The following SMARCAD1 variants were observed in gnomAD, a reference collection of about 807,000 sequenced individuals.
The protein encoded by SMARCAD1 is SNF2 related chromatin remodeling ATPase with DExD box 1.
In SMARCAD1, 25 loss-of-function variants were observed where a neutral mutation model predicts 127.1. The observed-to-expected ratio is 0.20, with a 90% confidence interval of 0.14 to 0.27. The LOEUF (loss-of-function observed/expected upper bound fraction) is 0.27. Ranked by LOEUF, SMARCAD1 falls within the 10% of genes least tolerant of loss-of-function variation. The pLI, the probability that SMARCAD1 is intolerant of heterozygous loss-of-function variation, is 1.00. For synonymous variants in SMARCAD1, 400 were observed against 396.9 expected (o/e 1.01, Z -0.09); for missense variants, 807 against 1,206.0 (o/e 0.67, Z 4.90).
chr4:94,245,326 G>C (rs1404864515), intron 6 of SMARCAD1, among the ~76,000 whole-genome samples: 2 of 152,164 alleles, frequency 1.3e-5, no homozygotes, highest in Non-Finnish European at 2.9e-5. Flanking sequence ...GTCTGTGTAT[G>C]CCATGACAGT....
At position 94,241,969 on chromosome 4, in the gene SMARCAD1, C is replaced by T. The variant is rs138963198; in HGVS notation, c.705+963C>T. 5.4e-3 allele frequency among the ~76,000 whole-genome samples: 819 copies of T among 152,242 alleles called. 5 individuals carry two copies. In the Middle Eastern group the frequency reaches 0.054, roughly 10 times the overall value. On this transcript the variant is annotated intron_variant, in intron 6 of 23. Coordinates refer to ENST00000354268, the MANE Select transcript of SMARCAD1 (RefSeq NM_020159.5). ...AAATTTTCTCTGCCACGTGTGCACC[C>T]TTGGCTGAACATTCACACAAACACC...
At position 94,226,156 on chromosome 4, in the gene SMARCAD1, A is replaced by G; in HGVS notation, c.228A>G (p.Arg76=). The change falls in exon 3 of 24, where the codon AGA becomes AGG. Residue 76 remains arginine (R), a synonymous_variant. Transcript: ENST00000354268. ...SSVPETPDNE[R]KASISYFKNQ... is the part of the protein sequence containing the mutation. ...TTCCAGAAACTCCAGATAATGAAAGAAAAGCAAGTATATCATATTTCAAAA... is the reference window on the plus strand; with the variant it reads ...TTCCAGAAACTCCAGATAATGAAAGGAAAGCAAGTATATCATATTTCAAAA... The G allele has an allele frequency of 1.9e-6, 3 of 1,611,736 alleles. No individual in the cohort carries two copies. The highest frequency in any genetic ancestry group is 2.5e-6 in the Non-Finnish European group (3 of 1,178,194).
chr4:94,233,867 T>TGAAAA lies in SMARCAD1; in HGVS notation c.369-86_369-85insAAAAG, dbSNP rs1746232175. 6.1e-6 allele frequency: 8 copies of TGAAAA among 1,314,886 alleles called. No individual in the cohort carries two copies. In the East Asian group the frequency reaches 1.5e-4, roughly 24 times the overall value. The allele number at this position is 1,314,886 out of a possible 1,614,324, so 81.5% of individuals were successfully genotyped here. ...CTATTGAAAAGAACTGCAGATGTGT[T>TGAAAA]GTACTATGTATACACATAGACACTA... On this transcript the variant is annotated intron_variant, in intron 3 of 23. Coordinates refer to ENST00000354268, the MANE Select transcript of SMARCAD1 (RefSeq NM_020159.5).
chr4:94,243,736 C>T (rs1388234335), intron 6 of SMARCAD1, among the ~76,000 whole-genome samples: 6 of 152,178 alleles, frequency 3.9e-5, no homozygotes, highest in African/African-American at 1.2e-4. Context: ...AAAACACACA[C>T]GTTTCCAGTA....
At position 94,282,789 on chromosome 4, in the gene SMARCAD1, C is replaced by T. The variant is rs563971885; in HGVS notation, c.2727-332C>T. On this transcript the variant is annotated intron_variant, in intron 21 of 23. Transcript: ENST00000354268. Reference sequence around the variant, plus strand: ...AGAAATGTTGTCTGCCAGTAGGAGCCGATATACTTCTGAGAAGGTTAAAGA... The same window carrying T: ...AGAAATGTTGTCTGCCAGTAGGAGCTGATATACTTCTGAGAAGGTTAAAGA... Among the ~76,000 whole-genome samples the T allele has an allele frequency of 7.3e-5, 11 of 151,642 alleles. No individual in the cohort carries two copies. The South Asian group carries it at 1.2e-3, about 17-fold the overall frequency.
At chr4:94,207,770 T>C (rs1422911605), upstream of SMARCAD1, 7 of 211,712 alleles carry the variant, frequency 3.3e-5, no homozygotes, top group East Asian at 5.0e-4. Flanking sequence ...AAGCGAGCGA[T>C]TGAACGTTAA....
At chr4:94,241,336 A>T (rs938011862) in intron 6 of SMARCAD1, among the ~76,000 whole-genome samples, 1 of 152,152 alleles carries the variant, frequency 6.6e-6, no homozygotes, top group African/African-American at 2.4e-5. Flanking sequence ...TTTTAAATTT[A>T]TCCAGTATTA....
intron 23 of SMARCAD1, among the ~76,000 whole-genome samples, chr4:94,287,650 G>A (rs771402350): frequency 6.6e-5 from 10 of 152,128 alleles, no homozygotes; most frequent in East Asian, 3.9e-4. Flanking sequence ...GGTTTAACAG[G>A]CTATTGAAGT....
In SMARCAD1 at chr4:94,270,835, T is replaced by C. The variant is rs1368935202; in HGVS notation, c.1572+17T>C. The C allele has an allele frequency of 1.2e-6, 2 of 1,605,408 alleles. No homozygotes were observed. The highest frequency in any genetic ancestry group is 4.5e-5 in the East Asian group (2 of 44,684). ...GATGAAATGGTAAGTGTACTTTATT[T>C]CTAAGATTTGTTGTTGAAAGTGTCA... On this transcript the variant is annotated intron_variant, in intron 11 of 23. Coordinates refer to ENST00000354268, the MANE Select transcript of SMARCAD1 (RefSeq NM_020159.5).
intron 20 of SMARCAD1, 46 bp downstream of exon 20, chr4:94,280,826 T>G (rs1277621451): frequency 1.3e-6 from 2 of 1,576,714 alleles, no homozygotes; most frequent in Non-Finnish European, 1.7e-6. Flanking sequence ...TCAATTACTT[T>G]AACTTCTTAA....
intron 11 of SMARCAD1, among the ~76,000 whole-genome samples, chr4:94,272,292 G>A (rs545211578): frequency 6.6e-6 from 1 of 152,316 alleles, no homozygotes; most frequent in Admixed American, 6.5e-5. Flanking sequence ...TTGTCAGTGG[G>A]AAGGAGGTGG....
Position 94,264,688 on chromosome 4 carries a change from T to C in SMARCAD1, c.1282-19T>C, listed in dbSNP as rs752823058. 1.9e-6 allele frequency: 3 copies of C among 1,598,888 alleles called. No homozygotes were observed. In the South Asian group the frequency reaches 3.3e-5, roughly 18 times the overall value. On this transcript the variant is annotated intron_variant, in intron 9 of 23. Transcript: ENST00000354268. ...TCCTAGATCTGAACTATTCAATTAT[T>C]TTTCTTTTTATGCTATAGTTCACAA...
At chr4:94,242,710 C>T (rs1015139690) in intron 6 of SMARCAD1, among the ~76,000 whole-genome samples, 2 of 149,962 alleles carry the variant, frequency 1.3e-5, no homozygotes, top group African/African-American at 4.9e-5. Flanking sequence ...TCAAGACCAG[C>T]CTGAGCAATA....
intron 23 of SMARCAD1, 101 bp downstream of exon 23, chr4:94,285,170 T>TA: frequency 9.0e-6 from 7 of 778,384 alleles, no homozygotes; most frequent in South Asian, 8.9e-5. Flanking sequence ...TTAACTAGCT[T>TA]ACAGTTTAGG....
chr4:94,269,647 G>T (rs1752252047), intron 10 of SMARCAD1, among the ~76,000 whole-genome samples: 1 of 151,884 alleles, frequency 6.6e-6, no homozygotes, highest in Admixed American at 6.6e-5. Flanking sequence ...TTAACCATTT[G>T]AACTATTGTT....
Position 94,290,884 on chromosome 4 carries a change from G to A in SMARCAD1, c.*1350G>A, listed in dbSNP as rs1162064071. 2.2e-6 allele frequency: 1 copy of A among 453,512 alleles called. No individual in the cohort carries two copies. The highest frequency in any genetic ancestry group is 2.0e-5 in the African/African-American group (1 of 49,976). The allele number at this position is 453,512 out of a possible 1,614,324, so 28.1% of individuals were successfully genotyped here. On this transcript the variant is annotated 3_prime_UTR_variant, in exon 24 of 24. Transcript: ENST00000354268. Reference sequence around the variant, plus strand: ...TCCTAACTTGCTAAGATGCTAGGTAGTACGACCCTCTGGATTTGGAAGGCA... The same window carrying A: ...TCCTAACTTGCTAAGATGCTAGGTAATACGACCCTCTGGATTTGGAAGGCA...
intron 9 of SMARCAD1, among the ~76,000 whole-genome samples, chr4:94,258,452 C>T (rs1579238843): frequency 6.6e-6 from 1 of 152,096 alleles, no homozygotes; most frequent in African/African-American, 2.4e-5. Context: ...AGATTTTAGA[C>T]ACCTCTGGTA....
intron 9 of SMARCAD1, among the ~76,000 whole-genome samples, chr4:94,256,666 T>C (rs1750138240): frequency 6.6e-6 from 1 of 152,186 alleles, no homozygotes; most frequent in African/African-American, 2.4e-5. Flanking sequence ...TCTGGTCCTT[T>C]GCTTTGTTTA....
At chr4:94,278,369 T>TG (rs759077158) in intron 16 of SMARCAD1, 53 bp from the exon 17 acceptor site, 4 of 1,424,758 alleles carry the variant, frequency 2.8e-6, no homozygotes, top group Non-Finnish European at 4.0e-6. Context: ...ATACTGTTAT[T>TG]GCAATAATTT....
Sources: allele counts gnomAD v4.1 joint callset (sites outside exome capture counted in the v4.1 genomes callset), GRCh38; gene constraint gnomAD v4.1.1; transcripts MANE v1.5; gene names NCBI Gene and HGNC (gene_info 2026-07-23, HGNC 2026-07-21).